Variants in TRHDE observed in about 807,000 individuals in gnomAD.
TRHDE encodes the protein thyrotropin releasing hormone degrading enzyme.
TRHDE carries 72 observed loss-of-function variants against 125.7 expected under a neutral mutation model. The observed-to-expected ratio is 0.57, with a 90% confidence interval of 0.47 to 0.70. The LOEUF (loss-of-function observed/expected upper bound fraction) is 0.70. Ranked by LOEUF, TRHDE falls within the 30% of genes least tolerant of loss-of-function variation. The pLI, the probability that TRHDE is intolerant of heterozygous loss-of-function variation, is 0.00. For missense variants in TRHDE, 1,110 were observed against 1,327.1 expected (o/e 0.84, Z 2.54); for synonymous variants, 509 against 509.1 (o/e 1.00, Z 0.00).
rs1252384001 is a variant in TRHDE, at chr12:72,441,796, G to T, written c.1316-27962G>T. Among the ~76,000 whole-genome samples, 12 of 151,772 alleles carry T rather than the reference G, an allele frequency of 7.9e-5. No individual in the cohort carries two copies. The Admixed American group carries it at 7.9e-4, about 10-fold the overall frequency. ...AGATAAACAAGATAATAAAGCAAATGCTAGTAAGAAATAGAAATGAACAAT... is the reference window on the plus strand; with the variant it reads ...AGATAAACAAGATAATAAAGCAAATTCTAGTAAGAAATAGAAATGAACAAT... On this transcript the variant is annotated intron_variant, in intron 3 of 18. Coordinates refer to ENST00000261180, the MANE Select transcript of TRHDE (RefSeq NM_013381.3).
chr12:72,203,278 G>T (rs1179564766), intron 2 of TRHDE, among the ~76,000 whole-genome samples: 1 of 152,056 alleles, frequency 6.6e-6, no homozygotes, highest in Non-Finnish European at 1.5e-5. Flanking sequence ...TGGCGAACAC[G>T]GTGAAATCCC....
intron 2 of TRHDE, among the ~76,000 whole-genome samples, chr12:72,357,499 A>G (rs561905915): frequency 6.6e-6 from 1 of 151,578 alleles, no homozygotes; most frequent in Non-Finnish European, 1.5e-5. Flanking sequence ...CCTTAGCATA[A>G]TGTTCTCTAG....
At chr12:72,413,600 A>G (rs1873606743) in intron 3 of TRHDE, among the ~76,000 whole-genome samples, 1 of 152,004 alleles carries the variant, frequency 6.6e-6, no homozygotes, top group South Asian at 2.1e-4. Flanking sequence ...TTTCTGAAAG[A>G]TAATGTCAAT....
intron 2 of TRHDE, among the ~76,000 whole-genome samples, chr12:72,240,655 C>T (rs1317610902): frequency 1.3e-5 from 2 of 151,788 alleles, no homozygotes; most frequent in Admixed American, 6.6e-5. Flanking sequence ...CTGCAAGCTC[C>T]GCCTCCCAGG....
At chr12:72,535,342 A>T (rs1363814879) in intron 6 of TRHDE, among the ~76,000 whole-genome samples, 2 of 152,052 alleles carry the variant, frequency 1.3e-5, no homozygotes, top group African/African-American at 4.8e-5. Flanking sequence ...AATTAGTCTG[A>T]TGTGGCCCAT....
intron 2 of TRHDE, among the ~76,000 whole-genome samples, chr12:72,184,870 C>A (rs940727759): frequency 6.6e-6 from 1 of 152,200 alleles, no homozygotes; most frequent in Non-Finnish European, 1.5e-5. Context: ...GAGGTGACAG[C>A]GTGCTGGCAG....
intron 2 of TRHDE, among the ~76,000 whole-genome samples, chr12:72,145,131 C>A (rs1275367871): frequency 1.3e-5 from 2 of 152,164 alleles, no homozygotes; most frequent in Non-Finnish European, 2.9e-5. Flanking sequence ...TTCTCAGCTG[C>A]ACCTGCCCCA....
At chr12:72,282,840 T>C (rs753673993) in intron 1 of TRHDE, among the ~76,000 whole-genome samples, 2 of 152,196 alleles carry the variant, frequency 1.3e-5, no homozygotes, top group Non-Finnish European at 2.9e-5. Flanking sequence ...CTGGGACAAT[T>C]TCTTCCTACA....
chr12:72,407,115 A>G (rs1427627964), intron 3 of TRHDE, among the ~76,000 whole-genome samples: 4 of 152,010 alleles, frequency 2.6e-5, no homozygotes, highest in African/African-American at 9.7e-5. Context: ...CTCTGTGGAG[A>G]GTTTCTATTC....
intron 17 of TRHDE, among the ~76,000 whole-genome samples, chr12:72,654,447 A>G (rs1296924711): frequency 1.3e-5 from 2 of 151,772 alleles, no homozygotes; most frequent in Non-Finnish European, 2.9e-5. Flanking sequence ...TCTTCTTCCC[A>G]CTCTGCAAGT....
chr12:72,631,017 T>C (rs1161339516), intron 15 of TRHDE, among the ~76,000 whole-genome samples: 1 of 150,458 alleles, frequency 6.6e-6, no homozygotes, highest in Non-Finnish European at 1.5e-5. Context: ...TAGAAAAAAA[T>C]AAAGTGACTT....
At chr12:72,115,721 G>A (rs1448108990) in intron 2 of TRHDE, among the ~76,000 whole-genome samples, 1 of 151,998 alleles carries the variant, frequency 6.6e-6, no homozygotes, top group Non-Finnish European at 1.5e-5. Context: ...ATTATTATGT[G>A]TCTTTTGTAT....
At chr12:72,300,317 C>A (rs1880454281) in intron 2 of TRHDE, among the ~76,000 whole-genome samples, 3 of 151,288 alleles carry the variant, frequency 2.0e-5, no homozygotes, top group Non-Finnish European at 4.4e-5. Flanking sequence ...TCTTTGAGGA[C>A]AAGAATTGTT....
chr12:72,174,777 T>G (rs1252339788), intron 2 of TRHDE, among the ~76,000 whole-genome samples: 1 of 152,176 alleles, frequency 6.6e-6, no homozygotes, highest in Non-Finnish European at 1.5e-5. Context: ...GGATGTTAGT[T>G]TGCCTTATTA....
intron 15 of TRHDE, among the ~76,000 whole-genome samples, chr12:72,646,888 T>C (rs952875465): frequency 6.6e-6 from 1 of 151,946 alleles, no homozygotes; most frequent in Non-Finnish European, 1.5e-5. Flanking sequence ...AAAATAGCAG[T>C]ATTCAACTTT....
chr12:72,108,035 T>G (rs1875229298), intron 2 of TRHDE, among the ~76,000 whole-genome samples: 1 of 152,052 alleles, frequency 6.6e-6, no homozygotes, highest in African/African-American at 2.4e-5. Flanking sequence ...ATTTCAAATA[T>G]AAAAATTATG....
At chr12:72,537,599 T>C (rs1868929746) in intron 6 of TRHDE, among the ~76,000 whole-genome samples, 1 of 152,082 alleles carries the variant, frequency 6.6e-6, no homozygotes, top group South Asian at 2.1e-4. Flanking sequence ...TAGTTCTTTA[T>C]AGCAGTGTGA....
intron 3 of TRHDE, among the ~76,000 whole-genome samples, chr12:72,424,600 T>C (rs955500848): frequency 1.3e-5 from 2 of 152,200 alleles, no homozygotes; most frequent in Non-Finnish European, 2.9e-5. Context: ...TGTAGAAAAC[T>C]AACATGTGGA....
intron 2 of TRHDE, among the ~76,000 whole-genome samples, chr12:72,218,419 A>G (rs973188382): frequency 1.3e-5 from 2 of 152,090 alleles, no homozygotes; most frequent in Non-Finnish European, 2.9e-5. Flanking sequence ...TATTCCTACA[A>G]TTTCTTACAT....
Sources: gnomAD v4.1 joint callset for allele counts (sites outside exome capture counted in the v4.1 genomes callset) on GRCh38, gnomAD v4.1.1 for gene constraint, MANE v1.5 for transcripts, NCBI Gene and HGNC (gene_info 2026-07-23, HGNC 2026-07-21) for gene names.